Variants in COL4A5 observed in about 807,000 individuals in gnomAD.
COL4A5 encodes collagen type IV alpha 5 chain.
Under a neutral mutation model 130.2 loss-of-function variants are expected in COL4A5, and 26 were observed. The observed-to-expected ratio is 0.20, with a 90% CI of 0.15 to 0.28. The LOEUF is 0.28. COL4A5 is among the 10% of genes least tolerant of loss of function. The pLI, the probability that COL4A5 is intolerant of heterozygous loss-of-function variation, is 1.00. For missense variants in COL4A5, 1,131 were observed against 1,344.3 expected, an observed-to-expected ratio of 0.84 and a Z score of 2.48; for synonymous variants, 496 against 439.6, an observed-to-expected ratio of 1.13 and a Z score of -1.60.
intron 1 of COL4A5, among the ~76,000 whole-genome samples, chrX:108,527,462 A>G (rs187074253): frequency 6.3e-5 from 7 of 111,727 alleles, no homozygotes; most frequent in Admixed American, 5.7e-4. Context: ...CATATTACCA[A>G]TGTGTATTTC....
intron 1 of COL4A5, among the ~76,000 whole-genome samples, chrX:108,531,150 A>G (rs1164338473): frequency 8.5e-5 from 8 of 94,531 alleles, no homozygotes; most frequent in Non-Finnish European, 1.5e-4. Flanking sequence ...ATAGGTGGGA[A>G]TTGAACAATG....
At chrX:108,535,651 C>T (rs1218519902) in intron 1 of COL4A5, among the ~76,000 whole-genome samples, 2 of 110,583 alleles carry the variant, frequency 1.8e-5, no homozygotes, top group Non-Finnish European at 3.8e-5. Context: ...TTGTGAGGTA[C>T]ATTTATGCGT....
At chrX:108,466,112 A>AAT (rs1376787038) in intron 1 of COL4A5, among the ~76,000 whole-genome samples, 315 of 112,069 alleles carry the variant, frequency 2.8e-3, no homozygotes, top group African/African-American at 9.8e-3. Context: ...TTTGCATTGT[A>AAT]TGGATATACC....
chrX:108,597,299 T>C (rs977204357), intron 23 of COL4A5, 78 bp from the exon 24 acceptor site: 45 of 1,060,445 alleles, frequency 4.2e-5, no homozygotes, highest in Non-Finnish European at 5.8e-5. Flanking sequence ...AAGAAAATGT[T>C]AGAAAAAAAG....
At chrX:108,670,635 C>T in intron 42 of COL4A5, 1 of 334,049 alleles carries the variant, frequency 3.0e-6, no homozygotes, top group Non-Finnish European at 5.8e-6. Flanking sequence ...TATGTATTAT[C>T]AGATCTTGAA....
intron 1 of COL4A5, among the ~76,000 whole-genome samples, chrX:108,489,582 G>A (rs931207247): frequency 3.6e-5 from 4 of 111,486 alleles, no homozygotes; most frequent in African/African-American, 6.5e-5. Context: ...TTTTAATACC[G>A]CCCAAGTTTG....
chrX:108,607,196 G>A (rs775062470), intron 29 of COL4A5, among the ~76,000 whole-genome samples: 4 of 109,263 alleles, frequency 3.7e-5, no homozygotes, highest in South Asian at 4.1e-4. Flanking sequence ...GCGAAACCCC[G>A]TCTCTACCAA....
chrX:108,626,656 A>C, intron 36 of COL4A5: 1 of 1,020,539 alleles, frequency 9.8e-7, no homozygotes, highest in Non-Finnish European at 1.2e-6. Flanking sequence ...CTTTTTAGTG[A>C]TGGAGTTGTT....
At chrX:108,513,738 T>G (rs1453441969) in intron 1 of COL4A5, among the ~76,000 whole-genome samples, 1 of 111,913 alleles carries the variant, frequency 8.9e-6, no homozygotes, top group East Asian at 2.8e-4. Context: ...ATCCACTTTT[T>G]GTGGTTTTTC....
chrX:108,486,013 A>G lies in COL4A5; in HGVS notation c.81+45807A>G, dbSNP rs747165762. Among the ~76,000 whole-genome samples, 47 of 111,978 alleles carry G rather than the reference A, an allele frequency of 4.2e-4. 1 individual carries two copies. ...CAGGGATGGGTGATTTCCTCTGACT[A>G]GGGCTGGTTTGAATGCTCCCACTGT... is the stretch of plus-strand genomic sequence containing the variant. On this transcript the variant is annotated intron_variant, in intron 1 of 52. Coordinates refer to ENST00000328300, the MANE Select transcript of COL4A5 (RefSeq NM_033380.3).
rs774103829 is a variant in COL4A5 at position 108,614,996 on chromosome X, A to G, written c.2481A>G (p.Pro827=). The part of the protein sequence containing the change: ...GIGVQGPPGP[P]GIPGPIGQPG... Reference sequence around the variant, plus strand: ...GTGTTCAGGGACCACCAGGACCACCAGGGATTCCTGGGCCAATAGGTCAAC... The same window carrying G: ...GTGTTCAGGGACCACCAGGACCACCGGGGATTCCTGGGCCAATAGGTCAAC... Residue 827 remains proline, a synonymous_variant, in exon 30 of 53, where the codon CCA becomes CCG. Coordinates refer to ENST00000328300, the MANE Select transcript of COL4A5 (RefSeq NM_033380.3). 3 of 1,208,055 alleles carry G rather than the reference A, an allele frequency of 2.5e-6. No individual in the cohort carries two copies. Among genetic ancestry groups the G allele is most frequent in the South Asian group, 3.5e-5 (2 of 56,857 alleles).
chrX:108,598,760 T>C lies in COL4A5; in HGVS notation c.1838T>C (p.Leu613Pro). Residue 613 changes from leucine to proline, a missense_variant, in exon 25 of 53, where the codon CTC (leucine) becomes CCC (proline). Physicochemically the swap from Leu to Pro is moderately conservative, Grantham distance 98. Transcript: ENST00000328300. ...CCTGGGAACCCAGGTTTACCAGGCC[T>C]CCCAGGGAATATAGGGCCTATGGGT... is the stretch of plus-strand genomic sequence containing the variant. ...GPPGNPGLPGLPGNIGPMGPP... is the reference protein window; with the variant it reads ...GPPGNPGLPGPPGNIGPMGPP... The C allele has an allele frequency of 8.3e-7, 1 of 1,210,440 alleles. No homozygotes were observed. The highest frequency in any genetic ancestry group is 1.1e-6 in the Non-Finnish European group (1 of 894,466).
rs1254726305 is a variant in COL4A5 at position 108,680,702 on chromosome X, C to T, written c.3966C>T (p.Leu1322=). Residue 1322 remains leucine (L), a synonymous_variant, in exon 45 of 53, where the codon CTC becomes CTT. Coordinates refer to ENST00000328300, the MANE Select transcript of COL4A5 (RefSeq NM_033380.3). ...GLQGNPGRPG[L]NGMKGDPGLP... is the part of the protein sequence containing the mutation. Reference sequence around the variant, plus strand: ...AGGGTAATCCTGGCCGGCCGGGTCTCAATGGAATGAAAGGAGATCCTGGTC... The same window carrying T: ...AGGGTAATCCTGGCCGGCCGGGTCTTAATGGAATGAAAGGAGATCCTGGTC... 8.3e-7 allele frequency: 1 copy of T among 1,210,440 alleles called. No individual in the cohort carries two copies. The highest frequency in any genetic ancestry group is 1.1e-6 in the Non-Finnish European group (1 of 894,699).
At chrX:108,637,323 G>A (rs1397201183) in intron 36 of COL4A5, among the ~76,000 whole-genome samples, 1 of 111,101 alleles carries the variant, frequency 9.0e-6, no homozygotes, top group African/African-American at 3.3e-5. Flanking sequence ...GAAATTAATA[G>A]CTGTAAATAC....
At chrX:108,650,234 C>T (rs2067695722) in intron 36 of COL4A5, among the ~76,000 whole-genome samples, 1 of 109,413 alleles carries the variant, frequency 9.1e-6, no homozygotes, top group Admixed American at 9.7e-5. Flanking sequence ...TACCACTTTA[C>T]TCCTGCAATA....
intron 31 of COL4A5, among the ~76,000 whole-genome samples, chrX:108,620,854 C>T (rs768744993): frequency 2.7e-5 from 3 of 110,805 alleles, no homozygotes; most frequent in East Asian, 5.7e-4. Context: ...GGTACCTCTT[C>T]GCATGGCTTA....
intron 1 of COL4A5, among the ~76,000 whole-genome samples, chrX:108,454,474 A>G (rs2064562244): frequency 9.0e-6 from 1 of 110,677 alleles, no homozygotes; most frequent in African/African-American, 3.3e-5. Context: ...GCAGTGTTTC[A>G]CCACGTTGGC....
chrX:108,450,974 C>G (rs1388471187), intron 1 of COL4A5, among the ~76,000 whole-genome samples: 2 of 107,938 alleles, frequency 1.9e-5, no homozygotes, highest in Non-Finnish European at 3.8e-5. Context: ...AGGTATATCT[C>G]CTAATGCTAT....
At chrX:108,495,647 G>A (rs780401880) in intron 1 of COL4A5, among the ~76,000 whole-genome samples, 1 of 111,504 alleles carries the variant, frequency 9.0e-6, no homozygotes, top group South Asian at 3.7e-4. Flanking sequence ...TCCCTGAATG[G>A]GCAAAAAACA....
Sources: allele counts gnomAD v4.1 joint callset (sites outside exome capture counted in the v4.1 genomes callset), GRCh38; gene constraint gnomAD v4.1.1; transcripts MANE v1.5; gene names NCBI Gene and HGNC (gene_info 2026-07-23, HGNC 2026-07-21).